Variants in AKAP6 observed in about 807,000 individuals in gnomAD.
AKAP6 encodes A-kinase anchor protein 6.
Under a neutral mutation model 188.5 loss-of-function variants are expected in AKAP6, and 58 were observed. That is an observed-to-expected ratio of 0.31 (90% CI 0.25 to 0.38). AKAP6 has a LOEUF of 0.38. Ranked by LOEUF, AKAP6 falls within the 10% of genes least tolerant of loss-of-function variation. The pLI is 1.00. For missense variants in AKAP6, 2,710 were observed against 2,740.0 expected (o/e 0.99, Z 0.24); for synonymous variants, 989 against 998.6 (o/e 0.99, Z 0.18).
intron 4 of AKAP6, among the ~76,000 whole-genome samples, chr14:32,570,017 GC>G (rs1301468124): frequency 6.6e-6 from 1 of 151,676 alleles, no homozygotes; most frequent in African/African-American, 2.4e-5. Flanking sequence ...TTCAGATGCT[GC>G]CCCCGTCATG....
At chr14:32,366,132 CCT>C (rs1887826332) in intron 1 of AKAP6, among the ~76,000 whole-genome samples, 1 of 152,146 alleles carries the variant, frequency 6.6e-6, no homozygotes, top group African/African-American at 2.4e-5. Flanking sequence ...ACTACCATTT[CCT>C]CTCTTTCCTA....
intron 4 of AKAP6, among the ~76,000 whole-genome samples, chr14:32,551,013 T>G: frequency 6.6e-6 from 1 of 152,128 alleles, no homozygotes; most frequent in East Asian, 1.9e-4. Flanking sequence ...AACTCCACAA[T>G]AGAGGGTTGC....
rs1409370400 is a variant in AKAP6 at position 32,834,802 on chromosome 14, T to C, written c.*4997T>C. 3 of 152,220 alleles carry C rather than the reference T, an allele frequency of 2.0e-5. No homozygotes were observed. The East Asian group carries it at 5.8e-4, about 29-fold the overall frequency. The allele number at this position is 152,220 out of a possible 1,614,324, so 9.4% of individuals were successfully genotyped here. ...CTGACATTCCTGATATGTTTTAAAGTTCACAGCTTACTCTTTCAGCCCATG... is the reference window on the plus strand; with the variant it reads ...CTGACATTCCTGATATGTTTTAAAGCTCACAGCTTACTCTTTCAGCCCATG... On this transcript the variant is annotated 3_prime_UTR_variant, in exon 14 of 14. Transcript: ENST00000280979.
chr14:32,425,118 AGT>A (rs1889986591), intron 1 of AKAP6, among the ~76,000 whole-genome samples: 1 of 152,180 alleles, frequency 6.6e-6, no homozygotes, highest in Non-Finnish European at 1.5e-5. Context: ...ACAGTGTATA[AGT>A]GTTCCTTTTT....
intron 1 of AKAP6, among the ~76,000 whole-genome samples, chr14:32,406,423 T>C (rs1889297362): frequency 6.6e-6 from 1 of 152,158 alleles, no homozygotes; most frequent in Non-Finnish European, 1.5e-5. Context: ...TTGGCCAGGC[T>C]GGTCTTGGGC....
At chr14:32,759,392 A>AT (rs1473661588) in intron 11 of AKAP6, among the ~76,000 whole-genome samples, 1 of 151,524 alleles carries the variant, frequency 6.6e-6, no homozygotes. Flanking sequence ...ATCCTTCTTT[A>AT]TTTTTCTTTA....
At chr14:32,489,235 A>T (rs867811369) in intron 2 of AKAP6, among the ~76,000 whole-genome samples, 5 of 152,128 alleles carry the variant, frequency 3.3e-5, no homozygotes, top group Non-Finnish European at 7.3e-5. Context: ...TTAGAGCTGC[A>T]ATCTCACTCT....
intron 13 of AKAP6, among the ~76,000 whole-genome samples, chr14:32,828,841 T>C (rs1258684801): frequency 6.6e-6 from 1 of 152,192 alleles, no homozygotes; most frequent in African/African-American, 2.4e-5. Context: ...CCCCCAGTTC[T>C]TTATCTAATT....
At position 32,398,860 on chromosome 14, in the gene AKAP6, T is replaced by G. The variant is rs535296647; in HGVS notation, c.-34-34600T>G. 1.9e-3 allele frequency among the ~76,000 whole-genome samples: 268 copies of G among 143,512 alleles called. 1 individual carries two copies. The highest frequency in any genetic ancestry group is 7.0e-3 in the Middle Eastern group (2 of 286). 94.1% of individuals were successfully genotyped at this position (143,512 alleles called of 152,430 possible). ...TTTCTTCCTGTTTTTTTTTTTTTTT[T>G]TTTTTTTTTTTGATGGAGTCTTTCT... On this transcript the variant is annotated intron_variant, in intron 1 of 13. Transcript: ENST00000280979.
intron 9 of AKAP6, among the ~76,000 whole-genome samples, chr14:32,731,417 A>G (rs11627423): frequency 6.6e-6 from 1 of 151,824 alleles, no homozygotes; most frequent in Non-Finnish European, 1.5e-5. Context: ...ATTTGCCCAG[A>G]GAAAAGTTTT....
intron 11 of AKAP6, among the ~76,000 whole-genome samples, chr14:32,760,021 T>C (rs186700645): frequency 1.7e-4 from 26 of 152,364 alleles, no homozygotes; most frequent in African/African-American, 6.0e-4. Context: ...CTTGTTTGCT[T>C]TGCTTACGCA....
chr14:32,520,098 T>C (rs9743660), intron 2 of AKAP6, among the ~76,000 whole-genome samples: 119,850 of 152,062 alleles, frequency 0.79, 47,805 homozygotes, highest in African/African-American at 0.88. Flanking sequence ...GAATGACTAC[T>C]GGGTACATAA....
intron 11 of AKAP6, among the ~76,000 whole-genome samples, chr14:32,761,768 A>G (rs1318780568): frequency 6.6e-6 from 1 of 152,006 alleles, no homozygotes; most frequent in Non-Finnish European, 1.5e-5. Context: ...ATGGCACCGT[A>G]CCCTCTCATA....
intron 9 of AKAP6, among the ~76,000 whole-genome samples, chr14:32,715,865 GA>G (rs2030169007): frequency 6.6e-6 from 1 of 151,854 alleles, no homozygotes; most frequent in African/African-American, 2.4e-5. Context: ...GCATAAAAGA[GA>G]TGAGAAAAGT....
intron 4 of AKAP6, among the ~76,000 whole-genome samples, chr14:32,570,883 CAT>C (rs2139242503): frequency 1.3e-5 from 2 of 152,306 alleles, no homozygotes; most frequent in Admixed American, 1.3e-4. Context: ...CTGCAAGTGT[CAT>C]AGTCAAGCTG....
At chr14:32,792,359 A>C (rs1410311738) in intron 12 of AKAP6, among the ~76,000 whole-genome samples, 2 of 152,040 alleles carry the variant, frequency 1.3e-5, no homozygotes, top group Non-Finnish European at 2.9e-5. Flanking sequence ...TTATATTCCT[A>C]GGTATTTATT....
At chr14:32,645,899 T>C (rs954897387) in intron 7 of AKAP6, among the ~76,000 whole-genome samples, 1 of 152,184 alleles carries the variant, frequency 6.6e-6, no homozygotes, top group African/African-American at 2.4e-5. Flanking sequence ...CACATTTAAT[T>C]TGCCATTCCT....
chr14:32,461,216 A>C (rs1011797796), intron 2 of AKAP6, among the ~76,000 whole-genome samples: 2 of 152,190 alleles, frequency 1.3e-5, no homozygotes, highest in Non-Finnish European at 2.9e-5. Context: ...AGCACAGCCC[A>C]CCATCTCTGC....
intron 12 of AKAP6, among the ~76,000 whole-genome samples, chr14:32,788,828 C>A (rs768455185): frequency 6.6e-6 from 1 of 152,154 alleles, no homozygotes; most frequent in Non-Finnish European, 1.5e-5. Context: ...CCATTCATAT[C>A]CCTAGGAAGG....
Sources: allele counts gnomAD v4.1 joint callset (sites outside exome capture counted in the v4.1 genomes callset), GRCh38; gene constraint gnomAD v4.1.1; transcripts MANE v1.5; gene names NCBI Gene and HGNC (gene_info 2026-07-23, HGNC 2026-07-21).